The following SATB2 variants were observed in gnomAD, a reference collection of about 807,000 sequenced individuals.
The protein encoded by SATB2 is SATB homeobox 2, also known as DNA-binding protein SATB2.
SATB2 carries 1 observed loss-of-function variant against 73.4 expected under a neutral mutation model. That is an observed-to-expected ratio of 0.01 (90% CI 0.00 to 0.06). The LOEUF (loss-of-function observed/expected upper bound fraction) is 0.06, where lower values mean the gene tolerates loss of function less well. Ranked by LOEUF, SATB2 falls within the 10% of genes least tolerant of loss-of-function variation. The pLI, the probability that SATB2 is intolerant of heterozygous loss-of-function variation, is 1.00. For missense variants in SATB2, 459 were observed against 945.8 expected (o/e 0.49, Z 6.75); for synonymous variants, 397 against 367.0 (o/e 1.08, Z -0.93).
At chr2:199,330,369 T>A (rs1206835690) in intron 7 of SATB2, among the ~76,000 whole-genome samples, 1 of 152,212 alleles carries the variant, frequency 6.6e-6, no homozygotes, top group Non-Finnish European at 1.5e-5. Context: ...CTATGTCATC[T>A]GACAGTTTCA....
chr2:199,437,747 CTATT>C (rs1691694273), intron 2 of SATB2, among the ~76,000 whole-genome samples: 2 of 152,252 alleles, frequency 1.3e-5, no homozygotes, highest in South Asian at 4.1e-4. Context: ...ACAATGGAAT[CTATT>C]TGTTTTCCTT....
At chr2:199,321,154 G>A (rs1015719404) in intron 9 of SATB2, among the ~76,000 whole-genome samples, 2 of 152,098 alleles carry the variant, frequency 1.3e-5, no homozygotes, top group African/African-American at 4.8e-5. Flanking sequence ...AATGGAGTGG[G>A]TGTGGCCACT....
intron 9 of SATB2, among the ~76,000 whole-genome samples, chr2:199,319,844 G>T (rs1687836555): frequency 6.6e-6 from 1 of 152,036 alleles, no homozygotes. Flanking sequence ...AAGATAGCAG[G>T]ATATGAGAAG....
chr2:199,436,843 A>C (rs1392701623), intron 2 of SATB2, among the ~76,000 whole-genome samples: 2 of 148,896 alleles, frequency 1.3e-5, no homozygotes, highest in African/African-American at 4.9e-5. Context: ...TATGCCAAGA[A>C]AGAGAGAGAG....
At chr2:199,344,679 C>G (rs1006682928) in intron 7 of SATB2, among the ~76,000 whole-genome samples, 1 of 152,180 alleles carries the variant, frequency 6.6e-6, no homozygotes, top group South Asian at 2.1e-4. Flanking sequence ...CGCTGAAGAC[C>G]GTTACCAAAC....
At chr2:199,309,792 A>G (rs1687543466) in intron 9 of SATB2, among the ~76,000 whole-genome samples, 2 of 152,372 alleles carry the variant, frequency 1.3e-5, no homozygotes, top group South Asian at 4.1e-4. Flanking sequence ...CTAATTTTAA[A>G]AACAAGAACT....
At chr2:199,407,687 A>G (rs915338179) in intron 3 of SATB2, among the ~76,000 whole-genome samples, 3 of 152,170 alleles carry the variant, frequency 2.0e-5, no homozygotes, top group Non-Finnish European at 2.9e-5. Flanking sequence ...GACCAAAAGA[A>G]GTTTCAAACT....
chr2:199,413,628 T>C (rs1038089447), intron 3 of SATB2, among the ~76,000 whole-genome samples: 1 of 150,946 alleles, frequency 6.6e-6, no homozygotes, highest in Admixed American at 6.6e-5. Flanking sequence ...AAAACTTGAT[T>C]TCCCAGGCTC....
At chr2:199,307,162 C>T (rs1263336013) in intron 10 of SATB2, among the ~76,000 whole-genome samples, 2 of 151,880 alleles carry the variant, frequency 1.3e-5, no homozygotes, top group Non-Finnish European at 2.9e-5. Context: ...TGAACTGTAG[C>T]ATTTACATGA....
Position 199,391,447 on chromosome 2 carries a change from A to C in SATB2, c.347-9627T>G, listed in dbSNP as rs901342348. The stretch of plus-strand genomic sequence containing the variant: ...GACTCCGTCTCAAAAAAAAAAAAAA[A>C]AAAAACAAAAAACAAAAAACGAGTA... On this transcript the variant is annotated intron_variant, in intron 3 of 10. Coordinates refer to ENST00000417098, the MANE Select transcript of SATB2 (RefSeq NM_001172509.2). Among the ~76,000 whole-genome samples, 643 of 150,246 alleles carry C rather than the reference A, an allele frequency of 4.3e-3. 5 individuals are homozygous for C. The highest frequency in any genetic ancestry group is 7.3e-3 in the Non-Finnish European group (493 of 67,578).
At chr2:199,465,410 TG>T (rs1327683325), upstream of SATB2, among the ~76,000 whole-genome samples, 1 of 152,250 alleles carries the variant, frequency 6.6e-6, no homozygotes, top group East Asian at 1.9e-4. Flanking sequence ...CCTAATAGTT[TG>T]CATTTTAATT....
At chr2:199,443,837 A>C (rs1691890353) in intron 2 of SATB2, among the ~76,000 whole-genome samples, 1 of 152,196 alleles carries the variant, frequency 6.6e-6, no homozygotes, top group Non-Finnish European at 1.5e-5. Flanking sequence ...AAAAAGCAAG[A>C]GGGAGAAAGA....
intron 8 of SATB2, chr2:199,326,164 G>A (rs1167409999): frequency 3.3e-5 from 5 of 152,064 alleles, no homozygotes; most frequent in African/African-American, 1.2e-4. Context: ...TTACTGTTGA[G>A]ATATGACTGT....
At chr2:199,307,216 A>C (rs1038814874) in intron 10 of SATB2, among the ~76,000 whole-genome samples, 3 of 152,186 alleles carry the variant, frequency 2.0e-5, no homozygotes, top group African/African-American at 7.2e-5. Context: ...GTCTGATATC[A>C]AAGAGTATGT....
chr2:199,444,897 T>C (rs1691919496), intron 2 of SATB2, among the ~76,000 whole-genome samples: 1 of 152,160 alleles, frequency 6.6e-6, no homozygotes, highest in African/African-American at 2.4e-5. Flanking sequence ...AGCAAGCCTG[T>C]GTTTATTCTA....
chr2:199,287,970 TTC>T (rs1371238976), intron 10 of SATB2, among the ~76,000 whole-genome samples: 5 of 152,318 alleles, frequency 3.3e-5, no homozygotes, highest in South Asian at 4.1e-4. Context: ...CAAAATTATA[TTC>T]TGTTTCAATT....
At chr2:199,423,811 G>C (rs1324996816) in intron 3 of SATB2, 1 of 152,142 alleles carries the variant, frequency 6.6e-6, no homozygotes, top group Non-Finnish European at 1.5e-5. Flanking sequence ...CTTTTACCAG[G>C]GAGATTATTA....
intron 2 of SATB2, among the ~76,000 whole-genome samples, chr2:199,444,118 A>G (rs1691898056): frequency 6.6e-6 from 1 of 152,106 alleles, no homozygotes; most frequent in Non-Finnish European, 1.5e-5. Context: ...GTTCTAATAC[A>G]TCCTCTTTAT....
upstream of SATB2, chr2:199,458,438 T>C (rs1692363897): frequency 2.5e-6 from 1 of 395,028 alleles, no homozygotes. Context: ...GAAGGACCGA[T>C]GGCAGAGAAC....
Sources: allele counts gnomAD v4.1 joint callset (sites outside exome capture counted in the v4.1 genomes callset), GRCh38; gene constraint gnomAD v4.1.1; transcripts MANE v1.5; gene names NCBI Gene and HGNC (gene_info 2026-07-23, HGNC 2026-07-21).